The following PSMD2 variants were observed in gnomAD, a reference collection of about 807,000 sequenced individuals.
PSMD2 encodes proteasome 26S subunit ubiquitin receptor, non-ATPase 2.
Under a neutral mutation model 101.5 loss-of-function variants are expected in PSMD2, and 8 were observed. The observed-to-expected ratio is 0.08, with a 90% CI of 0.05 to 0.14. The LOEUF is 0.14. PSMD2 is among the 10% of genes least tolerant of loss of function. The pLI, the probability that PSMD2 is intolerant of heterozygous loss-of-function variation, is 1.00. For synonymous variants in PSMD2, 418 were observed against 433.8 expected, an observed-to-expected ratio of 0.96 and a Z score of 0.45; for missense variants, 784 against 1,147.4, an observed-to-expected ratio of 0.68 and a Z score of 4.58.
At position 184,302,662 on chromosome 3, in the gene PSMD2, A is replaced by G; in HGVS notation, c.864-17A>G. The G allele has an allele frequency of 6.2e-7, 1 of 1,613,996 alleles. No homozygotes were observed. Among genetic ancestry groups the G allele is most frequent in the Middle Eastern group, 1.7e-4 (1 of 6,042 alleles). Reference sequence around the variant, plus strand: ...TTAGTGGACAGTGATGAGCAGATGTACGGGCTCTCTCCACAGGGTAGTACA... The same window carrying G: ...TTAGTGGACAGTGATGAGCAGATGTGCGGGCTCTCTCCACAGGGTAGTACA... On this transcript the variant is annotated splice_polypyrimidine_tract_variant and intron_variant, in intron 6 of 20. Coordinates refer to ENST00000310118, the MANE Select transcript of PSMD2 (RefSeq NM_002808.5).
Position 184,300,338 on chromosome 3 carries a change from C to T in PSMD2, c.251C>T (p.Ser84Phe), listed in dbSNP as rs771489110. ...ALEELRRQIR[S>F]STTSMTSVPK... ...GAGGAATTGCGAAGGCAGATTCGTT[C>T]TTCTACAACTTCCATGACTTCAGTG... Residue 84 changes from serine (S) to phenylalanine (F), a missense_variant, in exon 3 of 21, where the codon TCT becomes TTT. Around this residue, in one of 6 missense-constraint regions of PSMD2, gnomAD observed 196 missense variants for 182.4 expected, o/e 1.07. Coordinates refer to ENST00000310118, the MANE Select transcript of PSMD2 (RefSeq NM_002808.5). The T allele has an allele frequency of 6.2e-7, 1 of 1,613,830 alleles. No individual in the cohort carries two copies. Among genetic ancestry groups the T allele is most frequent in the Non-Finnish European group, 8.5e-7 (1 of 1,179,726 alleles).
chr3:184,302,129 A>T, intron 5 of PSMD2, 58 bp downstream of exon 5: 1 of 1,535,732 alleles, frequency 6.5e-7, no homozygotes, highest in South Asian at 1.1e-5. Context: ...CCTCTCTCTC[A>T]ATTGCGCCTC....
intron 13 of PSMD2, 48 bp downstream of exon 13, chr3:184,305,978 C>A: frequency 6.2e-7 from 1 of 1,613,364 alleles, no homozygotes; most frequent in Non-Finnish European, 8.5e-7. Flanking sequence ...TAACTGGATA[C>A]AACAGGGAGG....
chr3:184,305,647 T>A (rs770971580), intron 12 of PSMD2, 121 bp from the exon 13 acceptor site: 27 of 900,994 alleles, frequency 3.0e-5, no homozygotes, highest in Non-Finnish European at 4.5e-5. Context: ...TATTTTGATA[T>A]TATGAACTAA....
chr3:184,301,927 T>C lies in PSMD2; in HGVS notation c.560T>C (p.Leu187Pro), dbSNP rs752198356. The C allele has an allele frequency of 1.2e-5, 19 of 1,614,116 alleles. No individual in the cohort carries two copies. Among genetic ancestry groups the C allele is most frequent in the African/African-American group, 2.7e-5 (2 of 74,934 alleles). Reference protein sequence around the residue: ...EKVQREPLLTLVKEIVPYNMA... With the variant: ...EKVQREPLLTPVKEIVPYNMA... Reference sequence around the variant, plus strand: ...GTCCAGCGGGAGCCTCTGCTCACTCTGGTGAAGGAAATCGTCCCCTATAAC... The same window carrying C: ...GTCCAGCGGGAGCCTCTGCTCACTCCGGTGAAGGAAATCGTCCCCTATAAC... Residue 187 changes from leucine to proline, a missense_variant, in exon 5 of 21, where the codon CTG becomes CCG. This residue lies in a region of PSMD2 where 208 missense variants were observed against 301.6 expected (regional missense o/e 0.69). Transcript: ENST00000310118.
rs1721918985 is a variant in PSMD2 at position 184,308,444 on chromosome 3, C to T, written c.2426-5C>T. The T allele has an allele frequency of 6.3e-7, 1 of 1,599,412 alleles. No homozygotes were observed. On this transcript the variant is annotated splice_region_variant and splice_polypyrimidine_tract_variant and intron_variant, in intron 19 of 20. Coordinates refer to ENST00000310118, the MANE Select transcript of PSMD2 (RefSeq NM_002808.5). This position sits in a 1 kb window ranked among gnomAD's most constrained non-coding sequence, Gnocchi z 6.0. ...TTAACTTTTTGTCCTGTCTGCTTCC[C>T]TCAGTTATTCTAGGCAAATCACACT...
rs1454852962 is a variant in PSMD2, at chr3:184,303,532, A to G, written c.1216+66A>G. The stretch of plus-strand genomic sequence containing the variant: ...TCACTTCTTTTGTCCTCTTGGAGTC[A>G]TAAGTTATCTGACAAGGGATCCACC... On this transcript the variant is annotated intron_variant, in intron 9 of 20. Coordinates refer to ENST00000310118, the MANE Select transcript of PSMD2 (RefSeq NM_002808.5). 8 of 1,605,648 alleles carry G rather than the reference A, an allele frequency of 5.0e-6. No individual in the cohort carries two copies. In the Admixed American group the frequency reaches 8.4e-5, roughly 17 times the overall value.
In PSMD2 at chr3:184,305,839, T is replaced by C. The variant is rs759442704; in HGVS notation, c.1611T>C (p.Thr537=). The change falls in exon 13 of 21, where the codon ACT becomes ACC. Residue 537 remains threonine, a synonymous_variant. Coordinates refer to ENST00000310118, the MANE Select transcript of PSMD2 (RefSeq NM_002808.5). ...CCTGCAATGGAGATGTAACTTCCAC[T>C]ATCCTTCAGACCATCATGGAGAAGT... ...VGSCNGDVTS[T]ILQTIMEKSE... 2 of 1,614,210 alleles carry C rather than the reference T, an allele frequency of 1.2e-6. No individual in the cohort carries two copies. Among genetic ancestry groups the C allele is most frequent in the Non-Finnish European group, 1.7e-6 (2 of 1,180,036 alleles).
In PSMD2 at chr3:184,307,407, C is replaced by T. The variant is rs758439366; in HGVS notation, c.2085C>T (p.Ala695=). 6.2e-6 allele frequency: 10 copies of T among 1,614,132 alleles called. No homozygotes were observed. The highest frequency in any genetic ancestry group is 2.2e-5 in the South Asian group (2 of 91,086). The change falls in exon 17 of 21, where the codon GCC becomes GCT. Residue 695 remains alanine, a synonymous_variant. Transcript: ENST00000310118. ...TLRRAVPLAL[A]LISVSNPRLN... is the part of the protein sequence containing the mutation. The stretch of plus-strand genomic sequence containing the variant: ...GGAGGGCTGTACCTTTAGCACTGGC[C>T]CTCATCTCTGTTTCAAATCCACGAC...
Position 184,300,362 on chromosome 3 carries a change from T to A in PSMD2, c.275T>A (p.Val92Glu). The change falls in exon 3 of 21, where the codon GTG becomes GAG. Residue 92 changes from valine to glutamate, a missense_variant. This residue lies in a region of PSMD2 where 196 missense variants were observed against 182.4 expected (regional missense o/e 1.07). Transcript: ENST00000310118. ...TCTTCTACAACTTCCATGACTTCAG[T>A]GCCCAAGCCTCTCAAATTTCTGCGT... Reference protein sequence around the residue: ...IRSSTTSMTSVPKPLKFLRPH... With the variant: ...IRSSTTSMTSEPKPLKFLRPH... 6.2e-7 allele frequency: 1 copy of A among 1,614,024 alleles called. No individual in the cohort carries two copies. The highest frequency in any genetic ancestry group is 8.5e-7 in the Non-Finnish European group (1 of 1,179,864).
At chr3:184,306,235 C>T in intron 14 of PSMD2, 80 bp downstream of exon 14, 1 of 1,595,264 alleles carries the variant, frequency 6.3e-7, no homozygotes, top group Non-Finnish European at 8.6e-7. Context: ...CAGGTTGTTT[C>T]TCCTTTCTCC....
chr3:184,308,318 A>C lies in PSMD2; in HGVS notation c.2426-131A>C. The C allele has an allele frequency of 1.2e-6, 1 of 839,464 alleles. No homozygotes were observed. Among genetic ancestry groups the C allele is most frequent in the Non-Finnish European group, 1.9e-6 (1 of 529,496 alleles). 52.0% of individuals were successfully genotyped at this position (839,464 alleles called of 1,614,324 possible). ...GCGTCTCTGGTTCGTAGTAGGGTGTATGAGGGGAGGAGTGTGGATTCAGTC... is the reference window on the plus strand; with the variant it reads ...GCGTCTCTGGTTCGTAGTAGGGTGTCTGAGGGGAGGAGTGTGGATTCAGTC... On this transcript the variant is annotated intron_variant, in intron 19 of 20. Coordinates refer to ENST00000310118, the MANE Select transcript of PSMD2 (RefSeq NM_002808.5). The surrounding 1 kb of genome is among the most constrained non-coding windows in gnomAD (Gnocchi z 6.0).
chr3:184,300,216 C>T (rs555135727), intron 2 of PSMD2, 64 bp from the exon 3 acceptor site: 1 of 1,453,646 alleles, frequency 6.9e-7, no homozygotes, highest in South Asian at 1.2e-5. Context: ...AGTTAAATAT[C>T]TCTGTATTAT....
chr3:184,308,044 A>C lies in PSMD2; in HGVS notation c.2425+28A>C, dbSNP rs745718759. The C allele has an allele frequency of 6.2e-7, 1 of 1,612,562 alleles. No individual in the cohort carries two copies. The highest frequency in any genetic ancestry group is 1.3e-5 in the African/African-American group (1 of 74,906). On this transcript the variant is annotated intron_variant, in intron 19 of 20. Transcript: ENST00000310118. The surrounding 1 kb of genome is among the most constrained non-coding windows in gnomAD (Gnocchi z 6.0). ...GAGTTCCTGTCAGAAATTTTATATC[A>C]TAGCATGCAGGGCTCTGACTCCACC...
chr3:184,301,446 A>C, intron 3 of PSMD2, 91 bp from the exon 4 acceptor site: 1 of 1,489,334 alleles, frequency 6.7e-7, no homozygotes, highest in Non-Finnish European at 9.3e-7. Flanking sequence ...TAGTTAGTTC[A>C]GTTTCGGAGA....
chr3:184,300,542 C>T (rs1721607321), intron 3 of PSMD2, 98 bp downstream of exon 3: 2 of 1,496,152 alleles, frequency 1.3e-6, no homozygotes, highest in South Asian at 1.4e-5. Flanking sequence ...GCCTGATAGA[C>T]CTAAGCCGTG....
Position 184,306,741 on chromosome 3 carries a change from T to C in PSMD2, c.1951-10T>C. The C allele has an allele frequency of 1.2e-6, 2 of 1,611,394 alleles. No homozygotes were observed. The highest frequency in any genetic ancestry group is 1.7e-6 in the Non-Finnish European group (2 of 1,178,246). ...GAGCTTAATGGGTTCTGCTCTCTCT[T>C]CAATTGCAGGGAGTGGCTGTTCTGG... On this transcript the variant is annotated splice_polypyrimidine_tract_variant and intron_variant, in intron 15 of 20. Coordinates refer to ENST00000310118, the MANE Select transcript of PSMD2 (RefSeq NM_002808.5).
Position 184,307,817 on chromosome 3 carries a change from TTC to T in PSMD2, c.2299-71_2299-70del, listed in dbSNP as rs1721884234. 8.1e-6 allele frequency: 13 copies of T among 1,608,472 alleles called. 1 individual carries two copies. In the African/African-American group the frequency reaches 1.2e-4, roughly 15 times the overall value. ...GGAAAGATGTGACCAAGTGGGAGAT[TTC>T]TGTTTGGCTGGGTTAGGCGATGTCT... On this transcript the variant is annotated intron_variant, in intron 18 of 20. Coordinates refer to ENST00000310118, the MANE Select transcript of PSMD2 (RefSeq NM_002808.5).
chr3:184,299,305 C>G lies in PSMD2; in HGVS notation c.39C>G (p.Pro13=). The G allele has an allele frequency of 1.4e-6, 2 of 1,402,282 alleles. No homozygotes were observed. Among genetic ancestry groups the G allele is most frequent in the Non-Finnish European group, 9.2e-7 (1 of 1,082,214 alleles). 86.9% of individuals were successfully genotyped at this position (1,402,282 alleles called of 1,614,324 possible). The stretch of plus-strand genomic sequence containing the variant: ...GCCGGGACAAGGCGCCGGTGCAGCC[C>G]CAGCAGTCTCCAGCGGCGGCCCCCG... ...EGGRDKAPVQ[P]QQSPAAAPGG... is the part of the protein sequence containing the mutation. The change falls in exon 1 of 21, where the codon CCC becomes CCG. Residue 13 remains proline (P), a synonymous_variant. Coordinates refer to ENST00000310118, the MANE Select transcript of PSMD2 (RefSeq NM_002808.5).
Sources: gnomAD v4.1 joint callset for allele counts on GRCh38, gnomAD v4.1.1 for gene constraint, gnomAD v4.1.1 regional missense constraint, Gnocchi (gnomAD v3.1) non-coding constraint, MANE v1.5 for transcripts, NCBI Gene and HGNC (gene_info 2026-07-23, HGNC 2026-07-21) for gene names.